The following FCHO1 variants were observed in gnomAD, a reference collection of about 807,000 sequenced individuals.
FCHO1 encodes F-BAR domain only protein 1.
FCHO1 carries 45 observed loss-of-function variants against 114.4 expected under a neutral mutation model. The observed-to-expected ratio is 0.39, with a 90% CI of 0.31 to 0.50. FCHO1 has a LOEUF of 0.50. Among genes scored for constraint, FCHO1 ranks in the 20% least tolerant of loss-of-function variants. FCHO1 has a pLI of 0.77. For missense variants in FCHO1, 1,042 were observed against 1,209.6 expected (o/e 0.86, Z 2.06); for synonymous variants, 480 against 488.9 (o/e 0.98, Z 0.24).
intron 4 of FCHO1, among the ~76,000 whole-genome samples, chr19:17,760,759 C>G (rs374923076): frequency 1.3e-5 from 2 of 152,212 alleles, no homozygotes; most frequent in East Asian, 1.9e-4. Context: ...AAGTGATTCT[C>G]CTGCCTCAGC....
At chr19:17,764,307 C>G in intron 5 of FCHO1, 68 bp from the exon 6 acceptor site, 1 of 1,511,372 alleles carries the variant, frequency 6.6e-7, no homozygotes, top group Non-Finnish European at 9.2e-7. Context: ...TCCCAGAGTG[C>G]TGGGATTACA....
At chr19:17,768,280 G>A (rs1474062480) in intron 7 of FCHO1, among the ~76,000 whole-genome samples, 1 of 152,054 alleles carries the variant, frequency 6.6e-6, no homozygotes, top group African/African-American at 2.4e-5. Flanking sequence ...ATGTTGGCCA[G>A]GCTGGTCTTG....
At chr19:17,759,042 G>C (rs565569219) in intron 4 of FCHO1, among the ~76,000 whole-genome samples, 107 of 152,096 alleles carry the variant, frequency 7.0e-4, no homozygotes, top group African/African-American at 2.4e-3. Flanking sequence ...GTAGGTTGGA[G>C]GAGGGCACAG....
intron 5 of FCHO1, 50 bp from the exon 6 acceptor site, chr19:17,764,325 A>G (rs934322309): frequency 6.3e-7 from 1 of 1,577,640 alleles, no homozygotes; most frequent in Non-Finnish European, 8.7e-7. Context: ...ACAGGCGTGA[A>G]CCACTGCGCC....
intron 8 of FCHO1, 90 bp from the exon 9 acceptor site, chr19:17,770,702 C>G: frequency 6.3e-7 from 1 of 1,584,370 alleles, no homozygotes; most frequent in South Asian, 1.1e-5. Flanking sequence ...CCCTGGGTAC[C>G]CCGAGGAGTT....
upstream of FCHO1, chr19:17,747,772 C>G (rs926459156): frequency 1.3e-5 from 2 of 152,080 alleles, no homozygotes; most frequent in African/African-American, 4.8e-5. Flanking sequence ...AGCGACCAAG[C>G]CGCAGGTGGC....
intron 13 of FCHO1, 82 bp downstream of exon 13, chr19:17,774,560 C>T: frequency 2.7e-6 from 3 of 1,120,584 alleles, no homozygotes; most frequent in South Asian, 2.7e-5. Flanking sequence ...AAGTCCCCTC[C>T]TAGGATAGCC....
rs1254090735 is a variant in FCHO1, at chr19:17,783,133, C to A, written c.2054C>A (p.Ala685Asp). 2 of 1,614,172 alleles carry A rather than the reference C, an allele frequency of 1.2e-6. No individual in the cohort carries two copies. The highest frequency in any genetic ancestry group is 1.7e-6 in the Non-Finnish European group (2 of 1,180,034). ...VLSFRLVHTT[A>D]IEHFQPNADL... ...AGCTTCCGGCTTGTACACACAACCGCTATTGAGCACTTCCAGCCCAACGCC... is the reference window on the plus strand; with the variant it reads ...AGCTTCCGGCTTGTACACACAACCGATATTGAGCACTTCCAGCCCAACGCC... The change falls in exon 24 of 29, where the codon GCT becomes GAT. Residue 685 changes from alanine to aspartate, a missense_variant. Ala to Asp is a moderately radical substitution (Grantham distance 126). Around this residue, in one of 3 missense-constraint regions of FCHO1, gnomAD observed 455 missense variants for 455.4 expected, o/e 1.00. Coordinates refer to ENST00000596536, the MANE Select transcript of FCHO1 (RefSeq NM_015122.3).
In FCHO1 at chr19:17,778,215, C is replaced by T. The variant is rs776011633; in HGVS notation, c.1338C>T (p.His446=). ...FGPPLESAFD[H]EDFTGSSSLG... Reference sequence around the variant, plus strand: ...CGCCCCTGGAGTCAGCCTTTGACCACGAAGATTTTACAGGTGATGGGGATA... The same window carrying T: ...CGCCCCTGGAGTCAGCCTTTGACCATGAAGATTTTACAGGTGATGGGGATA... The change falls in exon 19 of 29, where the codon CAC becomes CAT. Residue 446 remains histidine, a synonymous_variant. Transcript: ENST00000596536. 1 of 1,613,524 alleles carries T rather than the reference C, an allele frequency of 6.2e-7. No homozygotes were observed. The highest frequency in any genetic ancestry group is 1.7e-5 in the Admixed American group (1 of 60,014).
rs750292653 is a variant in FCHO1 at position 17,770,892 on chromosome 19, C to T, written c.590C>T (p.Ala197Val). 11 of 1,613,554 alleles carry T rather than the reference C, an allele frequency of 6.8e-6. No individual in the cohort carries two copies. Among genetic ancestry groups the T allele is most frequent in the Non-Finnish European group, 7.6e-6 (9 of 1,179,720 alleles). Reference sequence around the variant, plus strand: ...TTTGAGCAGAAGATGCTGGACTCAGCCCTGGTAAGAACCAGGCATCTGTAC... The same window carrying T: ...TTTGAGCAGAAGATGCTGGACTCAGTCCTGGTAAGAACCAGGCATCTGTAC... ...ADFEQKMLDS[A>V]LRFQAMEETH... The change falls in exon 9 of 29, where the codon GCC becomes GTC. Residue 197 changes from alanine to valine, a missense_variant. Ala to Val is a moderately conservative substitution (Grantham distance 64, BLOSUM62 0). Transcript: ENST00000596536.
At chr19:17,755,094 G>T (rs1041381592) in intron 3 of FCHO1, 24 bp from the exon 4 acceptor site, 1 of 1,480,596 alleles carries the variant, frequency 6.8e-7, no homozygotes, top group Non-Finnish European at 9.4e-7. Context: ...TGACTCTGTA[G>T]CTCAAACTTG....
In FCHO1 at chr19:17,757,113, C is replaced by T. The variant is rs923300821; in HGVS notation, c.27+1922C>T. On this transcript the variant is annotated intron_variant, in intron 4 of 28. Transcript: ENST00000596536. ...CTAAGGCAGGAGAATTGCTTGAACC[C>T]GGGAGGTGGAAGTCGCAGTGAGATC... 1.1e-4 allele frequency among the ~76,000 whole-genome samples: 16 copies of T among 150,172 alleles called. No individual in the cohort carries two copies. The South Asian group carries it at 1.5e-3, about 14-fold the overall frequency.
rs55848959 is a variant in FCHO1 at position 17,761,633 on chromosome 19, C to CATATATAT, written c.28-1115_28-1108dup. 9.4e-3 allele frequency among the ~76,000 whole-genome samples: 1,340 copies of CATATATAT among 142,666 alleles called. 18 individuals are homozygous for CATATATAT. The highest frequency in any genetic ancestry group is 0.022 in the African/African-American group (832 of 38,580). The allele number at this position is 142,666 out of a possible 152,430, so 93.6% of individuals were successfully genotyped here. A position where few individuals can be genotyped will look rare whatever the true frequency, so the allele number is the denominator to read the frequency against. The stretch of plus-strand genomic sequence containing the variant: ...AATTTGACTTCTTTTCATGTATATA[C>CATATATAT]ATATATATATATATATATATACACA... On this transcript the variant is annotated intron_variant, in intron 4 of 28. Transcript: ENST00000596536.
chr19:17,785,498 T>C (rs929079020), intron 26 of FCHO1, among the ~76,000 whole-genome samples: 1 of 152,076 alleles, frequency 6.6e-6, no homozygotes, highest in Non-Finnish European at 1.5e-5. Context: ...ACTGCGATTA[T>C]AGGCATGAAC....
Position 17,776,375 on chromosome 19 carries a change from T to A in FCHO1, c.1207+104T>A. The A allele has an allele frequency of 1.4e-6, 2 of 1,405,544 alleles. No individual in the cohort carries two copies. The highest frequency in any genetic ancestry group is 2.0e-6 in the Non-Finnish European group (2 of 990,596). 87.1% of individuals were successfully genotyped at this position (1,405,544 alleles called of 1,614,324 possible). A position where few individuals can be genotyped will look rare whatever the true frequency, so the allele number is the denominator to read the frequency against. ...GTTTTGTAACTTTGGGCAGGCTGCT[T>A]AACCACACTGACCTTCAGTCTCCTT... On this transcript the variant is annotated intron_variant, in intron 17 of 28. Coordinates refer to ENST00000596536, the MANE Select transcript of FCHO1 (RefSeq NM_015122.3). The surrounding 1 kb of genome is among the most constrained non-coding windows in gnomAD (Gnocchi z 4.4).
intron 4 of FCHO1, among the ~76,000 whole-genome samples, chr19:17,756,854 AGT>A (rs1228146062): frequency 6.6e-6 from 1 of 152,120 alleles, no homozygotes; most frequent in African/African-American, 2.4e-5. Flanking sequence ...CCATGGGGGA[AGT>A]GTGAGCAGGA....
At chr19:17,755,040 C>T in intron 3 of FCHO1, 78 bp from the exon 4 acceptor site, 1 of 879,146 alleles carries the variant, frequency 1.1e-6, no homozygotes. Flanking sequence ...TCTCTCCTTC[C>T]TCTACAGGGA....
intron 28 of FCHO1, 45 bp from the exon 29 acceptor site, chr19:17,788,239 T>TTCCCCCCC: frequency 1.0e-6 from 1 of 961,412 alleles, no homozygotes; most frequent in Non-Finnish European, 1.6e-6. Context: ...ACCCCTCCCG[T>TTCCCCCCC]ACCCCTCCTC....
intron 4 of FCHO1, among the ~76,000 whole-genome samples, chr19:17,756,562 T>C (rs1464425077): frequency 6.6e-6 from 1 of 152,140 alleles, no homozygotes; most frequent in African/African-American, 2.4e-5. Flanking sequence ...TCGAATTGAC[T>C]CTGCTGGAAG....
Sources: gnomAD v4.1 joint callset for allele counts (sites outside exome capture counted in the v4.1 genomes callset) on GRCh38, gnomAD v4.1.1 for gene constraint, gnomAD v4.1.1 regional missense constraint, Gnocchi (gnomAD v3.1) non-coding constraint, MANE v1.5 for transcripts, NCBI Gene and HGNC (gene_info 2026-07-23, HGNC 2026-07-21) for gene names.